The following LRRC4B variants were observed in gnomAD, a reference collection of about 807,000 sequenced individuals.
LRRC4B encodes the protein leucine-rich repeat-containing protein 4B.
Under a neutral mutation model 7.3 loss-of-function variants are expected in LRRC4B, and 1 was observed. That is an observed-to-expected ratio of 0.14 (90% CI 0.05 to 0.65). The LOEUF (loss-of-function observed/expected upper bound fraction) is 0.65. Among genes scored for constraint, LRRC4B ranks in the 30% least tolerant of loss-of-function variants. LRRC4B has a pLI of 0.84. For missense variants in LRRC4B, 730 were observed against 1,041.6 expected (o/e 0.70, Z 4.12); for synonymous variants, 500 against 499.2 (o/e 1.00, Z -0.02).
rs542341312 is a variant in LRRC4B at position 50,555,838 on chromosome 19, C to G, written c.-35-6965G>C. ...GATAGGAAATTGACTACCATTGCAGCAAGAGGCCTGGAGGTTAGAGCTAGA... is the reference window on the plus strand; with the variant it reads ...GATAGGAAATTGACTACCATTGCAGGAAGAGGCCTGGAGGTTAGAGCTAGA... On this transcript the variant is annotated intron_variant, in intron 1 of 2. Coordinates refer to ENST00000652263, the MANE Select transcript of LRRC4B (RefSeq NM_001080457.2). This position sits in a 1 kb window ranked among gnomAD's most constrained non-coding sequence, Gnocchi z 5.2. The G allele has an allele frequency of 7.9e-5, 12 of 152,410 alleles. No homozygotes were observed. The highest frequency in any genetic ancestry group is 2.2e-4 in the African/African-American group (9 of 41,528). 9.4% of individuals were successfully genotyped at this position (152,410 alleles called of 1,614,324 possible).
intron 2 of LRRC4B, among the ~76,000 whole-genome samples, chr19:50,542,811 T>C (rs533039306): frequency 1.3e-5 from 2 of 152,196 alleles, no homozygotes; most frequent in East Asian, 3.9e-4. Context: ...TGTCTTACTA[T>C]GGGGACCACC....
At chr19:50,565,714 C>T (rs1190419077) in intron 1 of LRRC4B, among the ~76,000 whole-genome samples, 1 of 151,996 alleles carries the variant, frequency 6.6e-6, no homozygotes, top group Non-Finnish European at 1.5e-5. Context: ...CCCCCGGCTC[C>T]CTGCTGGCCC....
intron 1 of LRRC4B, among the ~76,000 whole-genome samples, chr19:50,564,850 G>C (rs913830255): frequency 6.9e-6 from 1 of 144,470 alleles, no homozygotes; most frequent in Non-Finnish European, 1.5e-5. Flanking sequence ...CCAGGGTTCC[G>C]GAAGGGACTG....
At chr19:50,549,283 G>T (rs2122895926) in intron 1 of LRRC4B, among the ~76,000 whole-genome samples, 2 of 152,310 alleles carry the variant, frequency 1.3e-5, no homozygotes, top group Middle Eastern at 3.4e-3. Context: ...ACAAGGCGAG[G>T]GGGCAGAAAC....
chr19:50,531,470 G>C (rs1430598877), intron 2 of LRRC4B, among the ~76,000 whole-genome samples: 1 of 152,196 alleles, frequency 6.6e-6, no homozygotes, highest in Non-Finnish European at 1.5e-5. Flanking sequence ...GGGAGATGAA[G>C]GGACACTCCC....
chr19:50,564,677 G>A lies in LRRC4B; in HGVS notation c.-36+3267C>T, dbSNP rs998418025. Among the ~76,000 whole-genome samples the A allele has an allele frequency of 3.9e-5, 6 of 152,182 alleles. No homozygotes were observed. The East Asian group carries it at 1.2e-3, about 29-fold the overall frequency. On this transcript the variant is annotated intron_variant, in intron 1 of 2. Coordinates refer to ENST00000652263, the MANE Select transcript of LRRC4B (RefSeq NM_001080457.2). The stretch of plus-strand genomic sequence containing the variant: ...GGCTTGACAGAGACAGGAGGTCCAG[G>A]TGACACCTCGAGACAGATGCCCGGC...
In LRRC4B at chr19:50,518,325, C is replaced by T. The variant is rs749356572; in HGVS notation, c.1388G>A (p.Gly463Asp). 10 of 1,604,130 alleles carry T rather than the reference C, an allele frequency of 6.2e-6. No homozygotes were observed. Among genetic ancestry groups the T allele is most frequent in the Non-Finnish European group, 8.5e-6 (10 of 1,176,530 alleles). ...VSAVDPVAAG[G>D]TGSGGGGPGG... ...AGGGCCGCCCCCGCCGCTGCCGGTGCCCCCGGCCGCCACGGGGTCCACGGC... is the reference window on the plus strand; with the variant it reads ...AGGGCCGCCCCCGCCGCTGCCGGTGTCCCCGGCCGCCACGGGGTCCACGGC... Residue 463 changes from glycine to aspartate, a missense_variant, in exon 3 of 3, where the codon GGC becomes GAC. Physicochemically the swap from Gly to Asp is moderately conservative, Grantham distance 94 (BLOSUM62 -1). Around this residue, in one of 6 missense-constraint regions of LRRC4B, gnomAD observed 192 missense variants for 228.6 expected, o/e 0.84. Coordinates refer to ENST00000652263, the MANE Select transcript of LRRC4B (RefSeq NM_001080457.2).
rs1404519633 is a variant in LRRC4B at position 50,554,553 on chromosome 19, C to T, written c.-35-5680G>A. On this transcript the variant is annotated intron_variant, in intron 1 of 2. Coordinates refer to ENST00000652263, the MANE Select transcript of LRRC4B (RefSeq NM_001080457.2). ...TGAGAGGGCACCTGGCCCCAGTTGT[C>T]CCCAGATAGAGCCCTCTGACCTGGA... Among the ~76,000 whole-genome samples the T allele has an allele frequency of 2.0e-5, 3 of 152,174 alleles. No individual in the cohort carries two copies. The East Asian group carries it at 5.8e-4, about 29-fold the overall frequency.
intron 2 of LRRC4B, among the ~76,000 whole-genome samples, chr19:50,528,803 C>A (rs1980929688): frequency 6.6e-6 from 1 of 152,136 alleles, no homozygotes; most frequent in African/African-American, 2.4e-5. Context: ...CAGGACACAG[C>A]CTGAGGATGG....
At chr19:50,526,692 T>G (rs1980821224) in intron 2 of LRRC4B, among the ~76,000 whole-genome samples, 1 of 152,150 alleles carries the variant, frequency 6.6e-6, no homozygotes, top group African/African-American at 2.4e-5. Flanking sequence ...TTAAAAAAAT[T>G]GTTAAAAAGT....
At chr19:50,554,313 C>T (rs750762008) in intron 1 of LRRC4B, among the ~76,000 whole-genome samples, 3 of 152,140 alleles carry the variant, frequency 2.0e-5, no homozygotes, top group Admixed American at 6.5e-5. Context: ...ACACATCTCA[C>T]GTCAGCTGGA....
At chr19:50,551,480 T>C (rs1280777076) in intron 1 of LRRC4B, among the ~76,000 whole-genome samples, 1 of 79,468 alleles carries the variant, frequency 1.3e-5, no homozygotes, top group Admixed American at 1.4e-4. Flanking sequence ...ACCTCGACTC[T>C]CCCCCGACCG....
intron 2 of LRRC4B, among the ~76,000 whole-genome samples, chr19:50,545,288 T>G (rs1981750992): frequency 6.8e-6 from 1 of 146,700 alleles, no homozygotes; most frequent in South Asian, 2.1e-4. Context: ...ATGCCTGTAA[T>G]CCCAGCTACT....
intron 1 of LRRC4B, among the ~76,000 whole-genome samples, chr19:50,551,643 C>T (rs1982071147): frequency 6.8e-6 from 1 of 146,858 alleles, no homozygotes; most frequent in Non-Finnish European, 1.5e-5. Flanking sequence ...TCCCTCGGGA[C>T]CCCCAGGCCC....
intron 2 of LRRC4B, among the ~76,000 whole-genome samples, chr19:50,532,829 A>G (rs1028189612): frequency 6.6e-6 from 1 of 152,168 alleles, no homozygotes. Flanking sequence ...AACAGACTAG[A>G]GTGTCTAAGG....
At chr19:50,528,860 G>T (rs1419550219) in intron 2 of LRRC4B, among the ~76,000 whole-genome samples, 1 of 152,164 alleles carries the variant, frequency 6.6e-6, no homozygotes, top group East Asian at 1.9e-4. Context: ...AGTACAGCAG[G>T]AATGCCTCTG....
intron 1 of LRRC4B, chr19:50,558,003 T>C (rs539822293): frequency 6.6e-6 from 1 of 152,324 alleles, no homozygotes; most frequent in South Asian, 2.1e-4. Flanking sequence ...TAGCTTACTT[T>C]ATTGTCAGAA....
Position 50,563,327 on chromosome 19 carries a change from G to A in LRRC4B, c.-36+4617C>T. ...CGGAGCCAGCCCAGCCTCAGGAACT[G>A]GGACTCGAAGGGAAGGGAGGTTCTC... On this transcript the variant is annotated intron_variant, in intron 1 of 2. Transcript: ENST00000652263. The surrounding 1 kb of genome is among the most constrained non-coding windows in gnomAD (Gnocchi z 4.9). 6.6e-6 allele frequency among the ~76,000 whole-genome samples: 1 copy of A among 152,160 alleles called. No homozygotes were observed. Among genetic ancestry groups the A allele is most frequent in the Non-Finnish European group, 1.5e-5 (1 of 68,028 alleles).
Position 50,519,454 on chromosome 19 carries a change from G to T in LRRC4B, c.298-39C>A. 6.6e-7 allele frequency: 1 copy of T among 1,507,248 alleles called. No individual in the cohort carries two copies. The allele number at this position is 1,507,248 out of a possible 1,614,324, so 93.4% of individuals were successfully genotyped here. On this transcript the variant is annotated intron_variant, in intron 2 of 2. Transcript: ENST00000652263. The surrounding 1 kb of genome is among the most constrained non-coding windows in gnomAD (Gnocchi z 8.1). ...GACACGGATCAGTCACGGAGATACT[G>T]ACGGGGACCGTGGGGGGATCACCAA...
Sources: gnomAD v4.1 joint callset for allele counts (sites outside exome capture counted in the v4.1 genomes callset) on GRCh38, gnomAD v4.1.1 for gene constraint, gnomAD v4.1.1 regional missense constraint, Gnocchi (gnomAD v3.1) non-coding constraint, MANE v1.5 for transcripts, NCBI Gene and HGNC (gene_info 2026-07-23, HGNC 2026-07-21) for gene names.